The following KCNMA1 variants were observed in gnomAD, a reference collection of about 807,000 sequenced individuals.
The protein encoded by KCNMA1 is potassium calcium-activated channel subfamily M alpha 1, also known as Calcium-activated potassium channel subunit alpha-1.
Under a neutral mutation model 140.0 loss-of-function variants are expected in KCNMA1, and 29 were observed. The observed-to-expected ratio is 0.21, with a 90% confidence interval of 0.15 to 0.28. KCNMA1 has a LOEUF of 0.28. KCNMA1 is among the 10% of genes least tolerant of loss of function. The probability of loss-of-function intolerance (pLI) is 1.00; values close to 1 mark genes in which losing one functional copy is unlikely to be tolerated. For synonymous variants in KCNMA1, 612 were observed against 611.9 expected, an observed-to-expected ratio of 1.00 and a Z score of 0.00; for missense variants, 880 against 1,602.2, an observed-to-expected ratio of 0.55 and a Z score of 7.70.
chr10:76,905,958 T>C (rs973429303), intron 25 of KCNMA1, among the ~76,000 whole-genome samples: 2 of 152,248 alleles, frequency 1.3e-5, no homozygotes, highest in African/African-American at 2.4e-5. Flanking sequence ...GCTTGTCAAG[T>C]GCTAAGCACC....
intron 5 of KCNMA1, among the ~76,000 whole-genome samples, chr10:77,122,493 C>T (rs1254427361): frequency 6.6e-6 from 1 of 151,904 alleles, no homozygotes; most frequent in Non-Finnish European, 1.5e-5. Context: ...TGAAAACCGA[C>T]CACGGCGCAG....
chr10:76,985,588 G>A (rs895845529), intron 19 of KCNMA1, among the ~76,000 whole-genome samples: 4 of 152,136 alleles, frequency 2.6e-5, no homozygotes, highest in African/African-American at 9.7e-5. Flanking sequence ...TAGAGAAGTT[G>A]TGGAAAATAT....
chr10:77,024,279 G>C (rs1214772248), intron 16 of KCNMA1, among the ~76,000 whole-genome samples: 1 of 151,970 alleles, frequency 6.6e-6, no homozygotes, highest in East Asian at 1.9e-4. Flanking sequence ...CTTGCAGTTG[G>C]ATCATATCAA....
At chr10:77,005,099 T>C (rs1056458869) in intron 18 of KCNMA1, among the ~76,000 whole-genome samples, 1 of 152,204 alleles carries the variant, frequency 6.6e-6, no homozygotes, top group African/African-American at 2.4e-5. Context: ...AGGATGTCAA[T>C]GGTAATACAA....
intron 18 of KCNMA1, among the ~76,000 whole-genome samples, chr10:77,011,765 A>C (rs2090820422): frequency 6.6e-6 from 1 of 152,080 alleles, no homozygotes; most frequent in Admixed American, 6.6e-5. Context: ...CTAGGTGTTG[A>C]TGGTGGTGAT....
At chr10:77,133,398 A>G (rs1322051025) in intron 5 of KCNMA1, among the ~76,000 whole-genome samples, 3 of 151,904 alleles carry the variant, frequency 2.0e-5, no homozygotes, top group Non-Finnish European at 4.4e-5. Flanking sequence ...AAAGACATAC[A>G]CTGCAAACAA....
At chr10:77,571,306 T>C (rs1747118709) in intron 1 of KCNMA1, among the ~76,000 whole-genome samples, 1 of 152,238 alleles carries the variant, frequency 6.6e-6, no homozygotes, top group Non-Finnish European at 1.5e-5. Context: ...GGGTTTTACC[T>C]ACAGGAATCC....
At chr10:77,480,745 C>T (rs1379451433) in intron 1 of KCNMA1, among the ~76,000 whole-genome samples, 3 of 152,046 alleles carry the variant, frequency 2.0e-5, no homozygotes, top group Non-Finnish European at 4.4e-5. Context: ...AAAGCCCTCC[C>T]TGACAACCCT....
chr10:77,621,261 C>T (rs1045817330), intron 1 of KCNMA1, among the ~76,000 whole-genome samples: 2 of 152,176 alleles, frequency 1.3e-5, no homozygotes, highest in South Asian at 2.1e-4. Context: ...AATTCTCTGT[C>T]GCACCAACAT....
At chr10:77,388,424 A>G (rs2095692981) in intron 2 of KCNMA1, among the ~76,000 whole-genome samples, 1 of 152,228 alleles carries the variant, frequency 6.6e-6, no homozygotes, top group African/African-American at 2.4e-5. Flanking sequence ...CATGGGATAG[A>G]AGACAGCCTG....
chr10:76,944,401 T>A (rs1313705240), intron 23 of KCNMA1, among the ~76,000 whole-genome samples: 1 of 152,172 alleles, frequency 6.6e-6, no homozygotes, highest in Non-Finnish European at 1.5e-5. Context: ...CCCAGCTCAA[T>A]GGCAAAAACA....
At chr10:77,373,643 A>G (rs1603441547) in intron 2 of KCNMA1, 1 of 152,100 alleles carries the variant, frequency 6.6e-6, no homozygotes, top group South Asian at 2.1e-4. Flanking sequence ...TTGTCCTTCC[A>G]CTCATGTTTC....
At chr10:77,367,097 T>C (rs1006142851) in intron 2 of KCNMA1, among the ~76,000 whole-genome samples, 12 of 152,148 alleles carry the variant, frequency 7.9e-5, no homozygotes, top group African/African-American at 2.7e-4. Context: ...TGCACCCTCA[T>C]TCCGCACGGG....
downstream of KCNMA1, among the ~76,000 whole-genome samples, chr10:76,881,933 G>A (rs2151521553): frequency 6.6e-6 from 1 of 152,252 alleles, no homozygotes; most frequent in Middle Eastern, 3.4e-3. Flanking sequence ...CTGAAATACT[G>A]GCTTTGACTC....
chr10:76,972,158 C>T (rs1225483169), intron 19 of KCNMA1, among the ~76,000 whole-genome samples: 1 of 152,160 alleles, frequency 6.6e-6, no homozygotes, highest in Non-Finnish European at 1.5e-5. Context: ...GAGCAAATAA[C>T]ACGTGTGTGT....
chr10:77,498,836 A>T (rs2042810713), intron 1 of KCNMA1: 1 of 152,152 alleles, frequency 6.6e-6, no homozygotes, highest in Non-Finnish European at 1.5e-5. Flanking sequence ...TGAAAAAAAA[A>T]AGGACTGGGT....
intron 14 of KCNMA1, among the ~76,000 whole-genome samples, chr10:77,068,974 C>T (rs1446700578): frequency 6.6e-6 from 1 of 151,514 alleles, no homozygotes; most frequent in Non-Finnish European, 1.5e-5. Flanking sequence ...AGGCCATGCC[C>T]CAACTTGAAA....
At chr10:77,626,128 G>C (rs1393406229) in intron 1 of KCNMA1, among the ~76,000 whole-genome samples, 1 of 151,796 alleles carries the variant, frequency 6.6e-6, no homozygotes, top group African/African-American at 2.4e-5. Context: ...TAGTATATTT[G>C]GGATTAAGGA....
chr10:77,394,034 G>A (rs1566543628), intron 2 of KCNMA1, among the ~76,000 whole-genome samples: 2 of 152,220 alleles, frequency 1.3e-5, no homozygotes, highest in Non-Finnish European at 2.9e-5. Context: ...TCACACAGGT[G>A]GATGAATGGA....
Sources: gnomAD v4.1 joint callset for allele counts (sites outside exome capture counted in the v4.1 genomes callset) on GRCh38, gnomAD v4.1.1 for gene constraint, MANE v1.5 for transcripts, NCBI Gene and HGNC (gene_info 2026-07-23, HGNC 2026-07-21) for gene names.